FBXO42: variants seen among roughly 807,000 people sequenced by gnomAD.
FBXO42 encodes F-box only protein 42.
FBXO42 carries 12 observed loss-of-function variants against 71.7 expected under a neutral mutation model. That is an observed-to-expected ratio of 0.17 (90% CI 0.11 to 0.27). FBXO42 has a LOEUF of 0.27. Among genes scored for constraint, FBXO42 ranks in the 10% least tolerant of loss-of-function variants. The pLI is 1.00. For synonymous variants in FBXO42, 325 were observed against 327.5 expected (o/e 0.99, Z 0.08); for missense variants, 707 against 911.9 (o/e 0.78, Z 2.89).
At position 16,294,851 on chromosome 1, in the gene FBXO42, T is replaced by C. The variant is rs775874122; in HGVS notation, c.434A>G (p.Asn145Ser). Residue 145 changes from asparagine to serine, a missense_variant, in exon 4 of 10, where the codon AAT becomes AGT. Asn to Ser is a conservative substitution (Grantham distance 46). Around this residue, in one of 5 missense-constraint regions of FBXO42, gnomAD observed 188 missense variants for 230.5 expected, o/e 0.82. Transcript: ENST00000375592. ...VFGGCTQSSC[N>S]AAFNDLWRLD... ...TCTCCAGAGGTCATTGAAAGCAGCA[T>C]TGCAGCTGCTCTGGGTACAGCCTCC... 1.9e-5 allele frequency: 30 copies of C among 1,613,622 alleles called. No homozygotes were observed. The South Asian group carries it at 2.2e-4, about 12-fold the overall frequency.
At chr1:16,283,520 GAC>G (rs1321676438) in intron 4 of FBXO42, among the ~76,000 whole-genome samples, 1 of 14,188 alleles carries the variant, frequency 7.0e-5, no homozygotes, top group East Asian at 4.8e-3. Flanking sequence ...TTTTTTTTGA[GAC>G]AGTCTCGCTC....
In FBXO42 at chr1:16,250,151, G is replaced by C. The variant is rs1422585397; in HGVS notation, c.*519C>G. The C allele has an allele frequency of 6.6e-6, 1 of 152,200 alleles. No homozygotes were observed. The highest frequency in any genetic ancestry group is 1.5e-5 in the Non-Finnish European group (1 of 68,030). 9.4% of individuals were successfully genotyped at this position (152,200 alleles called of 1,614,324 possible). A position where few individuals can be genotyped will look rare whatever the true frequency, so the allele number is the denominator to read the frequency against. On this transcript the variant is annotated 3_prime_UTR_variant, in exon 10 of 10. Coordinates refer to ENST00000375592, the MANE Select transcript of FBXO42 (RefSeq NM_018994.3). The surrounding 1 kb of genome is among the most constrained non-coding windows in gnomAD (Gnocchi z 4.7). ...CTGGCATTTCTGCAGAGCTGTCACA[G>C]GTCCTCTGTGGTTTTAAGAGAAGGG... is the stretch of plus-strand genomic sequence containing the variant.
rs901142085 is a variant in FBXO42 at position 16,248,416 on chromosome 1, C to T, written c.*2254G>A. On this transcript the variant is annotated 3_prime_UTR_variant, in exon 10 of 10. Transcript: ENST00000375592. ...AGAGGAACCAGATTACTTTCTAAGA[C>T]AATCAACATATCTGTTGCCTGCCTA... 2.0e-5 allele frequency: 3 copies of T among 152,162 alleles called. No individual in the cohort carries two copies. Among genetic ancestry groups the T allele is most frequent in the African/African-American group, 7.2e-5 (3 of 41,430 alleles). 9.4% of individuals were successfully genotyped at this position (152,162 alleles called of 1,614,324 possible).
chr1:16,343,499 T>C (rs767899446), intron 1 of FBXO42, among the ~76,000 whole-genome samples: 2 of 151,924 alleles, frequency 1.3e-5, no homozygotes, highest in Admixed American at 6.6e-5. Flanking sequence ...TAAGCAGAGA[T>C]TGCACCACTG....
At chr1:16,347,882 G>A (rs2670495) in intron 1 of FBXO42, among the ~76,000 whole-genome samples, 99,499 of 151,488 alleles carry the variant, frequency 0.66, 33,191 homozygotes, top group South Asian at 0.84. Flanking sequence ...TCAGCTACTC[G>A]GGAGGCTGAG....
At chr1:16,306,135 C>T (rs2082248537) in intron 2 of FBXO42, among the ~76,000 whole-genome samples, 2 of 151,972 alleles carry the variant, frequency 1.3e-5, no homozygotes, top group African/African-American at 4.8e-5. Flanking sequence ...GATTCTCCTG[C>T]TTCAGCCTCC....
chr1:16,307,337 C>CA (rs2082262548), intron 2 of FBXO42, among the ~76,000 whole-genome samples: 4 of 151,912 alleles, frequency 2.6e-5, no homozygotes, highest in Non-Finnish European at 5.9e-5. Flanking sequence ...CATTTCTCTG[C>CA]AAAAAAATTA....
intron 4 of FBXO42, among the ~76,000 whole-genome samples, chr1:16,282,428 G>A (rs1469149695): frequency 2.0e-5 from 3 of 151,142 alleles, no homozygotes; most frequent in Non-Finnish European, 4.4e-5. Context: ...GTTTTGCCAC[G>A]TTGGCCAGGG....
intron 1 of FBXO42, among the ~76,000 whole-genome samples, chr1:16,351,577 G>T (rs2082703363): frequency 1.3e-5 from 2 of 152,076 alleles, no homozygotes; most frequent in African/African-American, 4.8e-5. Flanking sequence ...AAGTTACTCT[G>T]CAGCGACCAT....
chr1:16,314,641 T>C (rs1311153431), intron 2 of FBXO42, among the ~76,000 whole-genome samples: 3 of 152,134 alleles, frequency 2.0e-5, no homozygotes, highest in Non-Finnish European at 4.4e-5. Context: ...ATTAATCCAT[T>C]TGGGACGCTG....
rs200466082 is a variant in FBXO42 at position 16,270,746 on chromosome 1, TGA to T, written c.503-13989_503-13988del. Among the ~76,000 whole-genome samples the T allele has an allele frequency of 1.9e-3, 200 of 103,150 alleles. 3 individuals carry two copies. Among genetic ancestry groups the T allele is most frequent in the East Asian group, 0.011 (36 of 3,296 alleles). 67.7% of individuals were successfully genotyped at this position (103,150 alleles called of 152,430 possible). On this transcript the variant is annotated intron_variant, in intron 4 of 9. Coordinates refer to ENST00000375592, the MANE Select transcript of FBXO42 (RefSeq NM_018994.3). ...TAAATTCCAAATCCCTTACTTACCA[TGA>T]GATACACACACACACACACACACAC...
chr1:16,253,889 C>T (rs781449051), intron 6 of FBXO42, among the ~76,000 whole-genome samples, 158 bp from the exon 7 acceptor site: 2 of 152,218 alleles, frequency 1.3e-5, no homozygotes, highest in Non-Finnish European at 2.9e-5. Flanking sequence ...AGATGCCCTA[C>T]TCAGAGTTCA....
chr1:16,303,882 A>T (rs1569889626), intron 3 of FBXO42, among the ~76,000 whole-genome samples: 1 of 152,074 alleles, frequency 6.6e-6, no homozygotes, highest in Admixed American at 6.6e-5. Context: ...AGTAGCTGCG[A>T]CTACAGGCGC....
At chr1:16,332,789 C>T (rs1432196542) in intron 1 of FBXO42, among the ~76,000 whole-genome samples, 3 of 152,106 alleles carry the variant, frequency 2.0e-5, no homozygotes, top group Non-Finnish European at 4.4e-5. Flanking sequence ...CATATGCCTG[C>T]CTCGGCCTCC....
chr1:16,328,458 G>A (rs1319275674), intron 1 of FBXO42, among the ~76,000 whole-genome samples: 2 of 152,170 alleles, frequency 1.3e-5, no homozygotes, highest in Non-Finnish European at 2.9e-5. Context: ...GTTGGCAGAT[G>A]GCTAGACCAA....
chr1:16,309,065 T>C (rs1232456871), intron 2 of FBXO42, among the ~76,000 whole-genome samples: 1 of 114,522 alleles, frequency 8.7e-6, no homozygotes. Context: ...CTCTTTTTTT[T>C]TTTTTTTTTT....
rs2081572821 is a variant in FBXO42 at position 16,249,781 on chromosome 1, T to TG, written c.*888dup. On this transcript the variant is annotated 3_prime_UTR_variant, in exon 10 of 10. Transcript: ENST00000375592. Reference sequence around the variant, plus strand: ...ACAGGTTTTAGGACTTCACCACATATGAAAAAAAAAAAAGAAAAGAAAAAA... The same window carrying TG: ...ACAGGTTTTAGGACTTCACCACATATGGAAAAAAAAAAAAGAAAAGAAAAAA... 7.5e-6 allele frequency: 1 copy of TG among 133,384 alleles called. No homozygotes were observed. 8.3% of individuals were successfully genotyped at this position (133,384 alleles called of 1,614,324 possible).
intron 4 of FBXO42, among the ~76,000 whole-genome samples, chr1:16,291,829 G>A (rs542234908): frequency 1.3e-5 from 2 of 152,136 alleles, no homozygotes; most frequent in Non-Finnish European, 2.9e-5. Context: ...ATGCCATCAT[G>A]CCCGGCTCAT....
chr1:16,315,947 G>A (rs2082358873), intron 1 of FBXO42, among the ~76,000 whole-genome samples: 1 of 152,062 alleles, frequency 6.6e-6, no homozygotes, highest in Non-Finnish European at 1.5e-5. Flanking sequence ...GAGGCGGGCA[G>A]ATCACCTGAA....
Sources: allele counts gnomAD v4.1 joint callset (sites outside exome capture counted in the v4.1 genomes callset), GRCh38; gene constraint gnomAD v4.1.1; regional missense constraint gnomAD v4.1.1; non-coding constraint Gnocchi (gnomAD v3.1); transcripts MANE v1.5; gene names NCBI Gene and HGNC (gene_info 2026-07-23, HGNC 2026-07-21).